Variants in SLC15A1 observed in about 807,000 individuals in gnomAD.
SLC15A1 encodes solute carrier family 15 member 1.
A neutral mutation model predicts 92.9 loss-of-function variants in SLC15A1; 83 were observed. The observed-to-expected ratio is 0.89, with a 90% CI of 0.75 to 1.07. The LOEUF (loss-of-function observed/expected upper bound fraction) is 1.07, where lower values mean the gene tolerates loss of function less well. SLC15A1 is among the 50% of genes least tolerant of loss of function. The pLI is 0.00. For synonymous variants in SLC15A1, 322 were observed against 318.2 expected (o/e 1.01, Z -0.13); for missense variants, 857 against 880.1 (o/e 0.97, Z 0.33).
chr13:98,716,766 C>T (rs374689025), intron 8 of SLC15A1, among the ~76,000 whole-genome samples: 54 of 152,272 alleles, frequency 3.5e-4, no homozygotes, highest in African/African-American at 1.3e-3. Context: ...GGTCACTGTA[C>T]AGAAGCAGTT....
intron 1 of SLC15A1, among the ~76,000 whole-genome samples, chr13:98,741,192 T>C (rs2088441010): frequency 6.6e-6 from 1 of 152,232 alleles, no homozygotes; most frequent in African/African-American, 2.4e-5. Context: ...GTGTCCCTGA[T>C]GGCTGCACTG....
chr13:98,751,015 A>G (rs1009377820), intron 1 of SLC15A1, among the ~76,000 whole-genome samples: 26 of 152,244 alleles, frequency 1.7e-4, no homozygotes, highest in African/African-American at 6.3e-4. Context: ...CTGGCCTCCC[A>G]AAGTGCTGGG....
intron 15 of SLC15A1, among the ~76,000 whole-genome samples, chr13:98,707,246 A>T (rs2139577759): frequency 6.6e-6 from 1 of 152,336 alleles, no homozygotes; most frequent in African/African-American, 2.4e-5. Flanking sequence ...GGTGCAGGTA[A>T]CCCAAGTGCC....
intron 11 of SLC15A1, 54 bp downstream of exon 11, chr13:98,711,800 T>A: frequency 7.6e-7 from 1 of 1,320,098 alleles, no homozygotes; most frequent in South Asian, 1.2e-5. Context: ...TACCTGGCAG[T>A]GCGGGATGTA....
chr13:98,692,183 T>G (rs1156593956), intron 18 of SLC15A1, among the ~76,000 whole-genome samples: 5 of 120,802 alleles, frequency 4.1e-5, no homozygotes, highest in Non-Finnish European at 8.2e-5. Flanking sequence ...AGACAAGGCC[T>G]CACTCTGTCA....
At position 98,710,669 on chromosome 13, in the gene SLC15A1, G is replaced by A. The variant is rs951103766; in HGVS notation, c.901-758C>T. Among the ~76,000 whole-genome samples, 3 of 151,894 alleles carry A rather than the reference G, an allele frequency of 2.0e-5. No homozygotes were observed. The East Asian group carries it at 5.8e-4, about 29-fold the overall frequency. ...CGTCTCTACTAAAAATTAGCCAGAT[G>A]TGGTGGCAGGTGCCTGTCATCTCAG... is the stretch of plus-strand genomic sequence containing the variant. On this transcript the variant is annotated intron_variant, in intron 11 of 22. Transcript: ENST00000376503.
intron 1 of SLC15A1, among the ~76,000 whole-genome samples, chr13:98,734,921 C>T (rs184030148): frequency 6.6e-5 from 10 of 152,328 alleles, no homozygotes; most frequent in African/African-American, 2.4e-4. Context: ...GGAGCTGGTA[C>T]CATTCCTTCT....
At chr13:98,734,879 T>A (rs1018696261) in intron 1 of SLC15A1, among the ~76,000 whole-genome samples, 3 of 152,142 alleles carry the variant, frequency 2.0e-5, no homozygotes, top group African/African-American at 7.2e-5. Context: ...CAGGACCAGA[T>A]GGATTCACAG....
At chr13:98,728,071 AG>A (rs1362084757) in intron 1 of SLC15A1, among the ~76,000 whole-genome samples, 2 of 152,230 alleles carry the variant, frequency 1.3e-5, no homozygotes, top group Non-Finnish European at 2.9e-5. Context: ...CCACTGGTCC[AG>A]GCAGTGTGCT....
chr13:98,732,406 A>C (rs1436019586), intron 1 of SLC15A1, among the ~76,000 whole-genome samples: 1 of 152,108 alleles, frequency 6.6e-6, no homozygotes, highest in African/African-American at 2.4e-5. Flanking sequence ...CTTTTTGCTA[A>C]ATAATTTGAT....
chr13:98,697,829 A>G (rs1405919307), intron 18 of SLC15A1, among the ~76,000 whole-genome samples: 2 of 152,194 alleles, frequency 1.3e-5, no homozygotes, highest in African/African-American at 4.8e-5. Flanking sequence ...ATAAAATCCA[A>G]GAAAGAAAGG....
chr13:98,687,462 C>T, intron 21 of SLC15A1, 119 bp downstream of exon 21: 2 of 1,206,372 alleles, frequency 1.7e-6, no homozygotes, highest in South Asian at 3.0e-5. Flanking sequence ...GGGAAGATAC[C>T]ATAATGCTTT....
intron 1 of SLC15A1, among the ~76,000 whole-genome samples, chr13:98,729,007 C>CAAAAAAAAAAAAAAA (rs1176117196): frequency 1.0e-4 from 7 of 69,654 alleles, no homozygotes; most frequent in Admixed American, 1.7e-4. Context: ...AAAAAAAAAA[C>CAAAAAAAAAAAAAAA]AACAAGCCCC....
intron 21 of SLC15A1, 25 bp from the exon 22 acceptor site, chr13:98,686,322 C>T (rs2087928862): frequency 6.5e-7 from 1 of 1,527,908 alleles, no homozygotes; most frequent in African/African-American, 1.4e-5. Flanking sequence ...CAAAGTGAGT[C>T]CTGCTCCAGG....
chr13:98,744,743 C>A (rs1490544525), intron 1 of SLC15A1, among the ~76,000 whole-genome samples: 1 of 77,826 alleles, frequency 1.3e-5, no homozygotes, highest in Non-Finnish European at 2.4e-5. Flanking sequence ...AGCAAGATTC[C>A]ATCTCAAAAA....
intron 8 of SLC15A1, among the ~76,000 whole-genome samples, chr13:98,716,179 C>A (rs1254997861): frequency 6.6e-6 from 1 of 152,152 alleles, no homozygotes; most frequent in East Asian, 1.9e-4. Context: ...TAATATGCAA[C>A]CTGTAAGCCT....
chr13:98,712,198 G>A (rs1038710574), intron 10 of SLC15A1, among the ~76,000 whole-genome samples: 2 of 152,052 alleles, frequency 1.3e-5, no homozygotes, highest in African/African-American at 4.8e-5. Flanking sequence ...TCCCACCACC[G>A]CCGTCACCAC....
intron 1 of SLC15A1, among the ~76,000 whole-genome samples, chr13:98,743,448 C>T (rs934139783): frequency 6.6e-6 from 1 of 152,152 alleles, no homozygotes; most frequent in Non-Finnish European, 1.5e-5. Flanking sequence ...CATTCCTGTC[C>T]TCCTTCAGGA....
At chr13:98,715,730 C>T in intron 9 of SLC15A1, 148 bp downstream of exon 9, 2 of 627,162 alleles carry the variant, frequency 3.2e-6, no homozygotes, top group South Asian at 2.2e-5. Context: ...TGTCTTTTTG[C>T]ATTTAGAAGA....
Sources: allele counts gnomAD v4.1 joint callset (sites outside exome capture counted in the v4.1 genomes callset), GRCh38; gene constraint gnomAD v4.1.1; transcripts MANE v1.5; gene names NCBI Gene and HGNC (gene_info 2026-07-23, HGNC 2026-07-21).